Variants in BRME1 observed in about 807,000 individuals in gnomAD.
BRME1 encodes the protein break repair meiotic recombinase recruitment factor 1.
In BRME1, 31 loss-of-function variants were observed where a neutral mutation model predicts 52.6. The ratio of observed to expected loss-of-function variants is 0.59; its 90% CI spans 0.44 to 0.80. The LOEUF is 0.80. BRME1 is among the 30% of genes least tolerant of loss of function. The pLI is 0.00. For missense variants in BRME1, 804 were observed against 860.3 expected (o/e 0.93, Z 0.82); for synonymous variants, 359 against 353.6 (o/e 1.02, Z -0.17).
intron 6 of BRME1, among the ~76,000 whole-genome samples, chr19:13,886,598 G>A (rs1013633606): frequency 6.6e-6 from 1 of 152,122 alleles, no homozygotes; most frequent in Non-Finnish European, 1.5e-5. Flanking sequence ...AAGCTTCTAA[G>A]CGTCAATGGT....
intron 3 of BRME1, among the ~76,000 whole-genome samples, chr19:13,893,673 C>T (rs1969679471): frequency 6.6e-6 from 1 of 152,140 alleles, no homozygotes; most frequent in African/African-American, 2.4e-5. Flanking sequence ...CCTTTAATCC[C>T]AGCACTGTGG....
At chr19:13,893,104 G>A (rs757550154) in intron 4 of BRME1, 38 bp downstream of exon 4, 1 of 1,551,946 alleles carries the variant, frequency 6.4e-7, no homozygotes, top group South Asian at 1.2e-5. Flanking sequence ...GGGAGGCAGT[G>A]GTGCTTCTAT....
intron 2 of BRME1, among the ~76,000 whole-genome samples, chr19:13,901,198 A>G (rs1487098476): frequency 1.3e-5 from 2 of 150,484 alleles, no homozygotes; most frequent in Admixed American, 6.6e-5. Flanking sequence ...GCTGGTCATG[A>G]ACTCCTGGTC....
intron 1 of BRME1, among the ~76,000 whole-genome samples, chr19:13,905,156 C>T (rs1432077593): frequency 6.6e-6 from 1 of 152,092 alleles, no homozygotes; most frequent in Non-Finnish European, 1.5e-5. Flanking sequence ...ACCTGAAAGA[C>T]AAATGGGCCC....
chr19:13,883,010 G>A lies in BRME1; in HGVS notation c.1857-58C>T. On this transcript the variant is annotated intron_variant, in intron 8 of 8. Transcript: ENST00000586783. The surrounding 1 kb of genome is among the most constrained non-coding windows in gnomAD (Gnocchi z 4.2). ...TCAGTGGTCACCAGGTGACAGAGGG[G>A]GCCGCGCCTCACAGCCACATGGTCA... 6.4e-7 allele frequency: 1 copy of A among 1,574,604 alleles called. No individual in the cohort carries two copies. The highest frequency in any genetic ancestry group is 8.6e-7 in the Non-Finnish European group (1 of 1,161,714).
chr19:13,883,296 C>A lies in BRME1; in HGVS notation c.1856+12G>T. The A allele has an allele frequency of 6.5e-7, 1 of 1,530,082 alleles. No individual in the cohort carries two copies. Among genetic ancestry groups the A allele is most frequent in the African/African-American group, 1.4e-5 (1 of 73,052 alleles). The allele number at this position is 1,530,082 out of a possible 1,614,324, so 94.8% of individuals were successfully genotyped here. A position where few individuals can be genotyped will look rare whatever the true frequency, so the allele number is the denominator to read the frequency against. ...GCAGACCCTGTGCCGTGAGTCCAAG[C>A]CCACCCCGTACTTCAGGTTGGAGAG... is the stretch of plus-strand genomic sequence containing the variant. On this transcript the variant is annotated intron_variant, in intron 8 of 8. Transcript: ENST00000586783. The surrounding 1 kb of genome is among the most constrained non-coding windows in gnomAD (Gnocchi z 4.2).
chr19:13,884,290 T>G (rs939547717), intron 7 of BRME1, among the ~76,000 whole-genome samples: 1 of 151,534 alleles, frequency 6.6e-6, no homozygotes, highest in East Asian at 1.9e-4. Flanking sequence ...CAGTAAGCTA[T>G]GATCCTGTAC....
chr19:13,905,462 C>G (rs913928104), intron 1 of BRME1, among the ~76,000 whole-genome samples: 1 of 151,082 alleles, frequency 6.6e-6, no homozygotes, highest in Non-Finnish European at 1.5e-5. Flanking sequence ...GAGCCGAGAT[C>G]GCTCTACTGC....
intron 5 of BRME1, among the ~76,000 whole-genome samples, chr19:13,891,547 A>G (rs932778680): frequency 1.3e-5 from 2 of 151,868 alleles, no homozygotes; most frequent in Non-Finnish European, 2.9e-5. Flanking sequence ...GGCTCACTGT[A>G]GTTTTGACCT....
chr19:13,889,998 T>C lies in BRME1; in HGVS notation c.858A>G (p.Ser286=). The C allele has an allele frequency of 6.2e-7, 1 of 1,612,976 alleles. No individual in the cohort carries two copies. The change falls in exon 6 of 9, where the codon TCA becomes TCG. Residue 286 remains serine, a synonymous_variant. Transcript: ENST00000586783. ...CAGGGCCCAGTCCTGGAGCAGGGCC[T>C]GAGGTAGGAGCTGATGCTGGGGTAC... ...VPCTPASAPT[S]GPAPGLGPAS...
chr19:13,886,149 A>G lies in BRME1; in HGVS notation c.1669-94T>C, dbSNP rs1028612619. ...AAGTCACGCTGATGCTTTTGGCTTC[A>G]CCGCGGCCACAGCAGGTCACATCGG... On this transcript the variant is annotated intron_variant, in intron 6 of 8. Transcript: ENST00000586783. 5 of 1,030,782 alleles carry G rather than the reference A, an allele frequency of 4.9e-6. No individual in the cohort carries two copies. In the African/African-American group the frequency reaches 6.3e-5, roughly 13 times the overall value. 63.9% of individuals were successfully genotyped at this position (1,030,782 alleles called of 1,614,324 possible). A position where few individuals can be genotyped will look rare whatever the true frequency, so the allele number is the denominator to read the frequency against.
At chr19:13,895,228 C>T (rs1015086608) in intron 3 of BRME1, 144 bp downstream of exon 3, 12 of 781,542 alleles carry the variant, frequency 1.5e-5, no homozygotes, top group East Asian at 2.9e-5. Context: ...AAGCGAGATC[C>T]GAGGGCCCTG....
chr19:13,897,251 A>T (rs1969972820), intron 2 of BRME1, among the ~76,000 whole-genome samples: 1 of 150,056 alleles, frequency 6.7e-6, no homozygotes, highest in Non-Finnish European at 1.5e-5. Flanking sequence ...GTTGGCCAGG[A>T]TGGTCTCGAT....
chr19:13,903,877 G>C (rs1430698705), intron 2 of BRME1, among the ~76,000 whole-genome samples: 1 of 151,958 alleles, frequency 6.6e-6, no homozygotes, highest in East Asian at 1.9e-4. Flanking sequence ...CCCAGGTTTT[G>C]GGCCCCAGAG....
Position 13,883,175 on chromosome 19 carries a change from G to A in BRME1, c.1856+133C>T, listed in dbSNP as rs1968763356. ...GGACGGGGGAGGGGGGCCACGGTGA[G>A]GACCCAGCAGCAGTGAGGTGCCTGA... On this transcript the variant is annotated intron_variant, in intron 8 of 8. Coordinates refer to ENST00000586783, the MANE Select transcript of BRME1 (RefSeq NM_001345843.2). The surrounding 1 kb of genome is among the most constrained non-coding windows in gnomAD (Gnocchi z 4.2). 2 of 977,292 alleles carry A rather than the reference G, an allele frequency of 2.0e-6. No individual in the cohort carries two copies. The highest frequency in any genetic ancestry group is 1.5e-6 in the Non-Finnish European group (1 of 663,130). The allele number at this position is 977,292 out of a possible 1,614,324, so 60.5% of individuals were successfully genotyped here.
At chr19:13,902,774 A>G (rs1009950182) in intron 2 of BRME1, among the ~76,000 whole-genome samples, 2 of 150,806 alleles carry the variant, frequency 1.3e-5, no homozygotes, top group Admixed American at 6.6e-5. Flanking sequence ...AAAATACAAA[A>G]ATTAGCTCAG....
chr19:13,892,469 C>T (rs1474936379), intron 5 of BRME1, among the ~76,000 whole-genome samples: 1 of 152,030 alleles, frequency 6.6e-6, no homozygotes, highest in Non-Finnish European at 1.5e-5. Flanking sequence ...CGTCTGTTAT[C>T]CCAGCTACTT....
intron 7 of BRME1, 43 bp downstream of exon 7, chr19:13,885,918 T>G: frequency 6.4e-7 from 1 of 1,564,658 alleles, no homozygotes; most frequent in African/African-American, 1.4e-5. Flanking sequence ...TTGGTAAAAT[T>G]TGTGAGGGTC....
chr19:13,893,237 G>A lies in BRME1; in HGVS notation c.207-14C>T, dbSNP rs1307822298. On this transcript the variant is annotated splice_polypyrimidine_tract_variant and intron_variant, in intron 3 of 8. Transcript: ENST00000586783. Reference sequence around the variant, plus strand: ...TCATCAGGGGAGCTATGTAGGAAAAGATAAAACTGAAGGAGATCTGCCCGG... The same window carrying A: ...TCATCAGGGGAGCTATGTAGGAAAAAATAAAACTGAAGGAGATCTGCCCGG... The A allele has an allele frequency of 6.4e-7, 1 of 1,567,722 alleles. No homozygotes were observed.
Sources: gnomAD v4.1 joint callset for allele counts (sites outside exome capture counted in the v4.1 genomes callset) on GRCh38, gnomAD v4.1.1 for gene constraint, Gnocchi (gnomAD v3.1) non-coding constraint, MANE v1.5 for transcripts, NCBI Gene and HGNC (gene_info 2026-07-23, HGNC 2026-07-21) for gene names.